ERC2: variants seen among roughly 807,000 people sequenced by gnomAD.
ERC2 encodes the protein ERC protein 2.
A neutral mutation model predicts 114.8 loss-of-function variants in ERC2; 42 were observed. The observed-to-expected ratio is 0.37, with a 90% CI of 0.29 to 0.47. The LOEUF is 0.47. Among genes scored for constraint, ERC2 ranks in the 20% least tolerant of loss-of-function variants. The pLI, the probability that ERC2 is intolerant of heterozygous loss-of-function variation, is 0.99. For synonymous variants in ERC2, 454 were observed against 425.5 expected (o/e 1.07, Z -0.82); for missense variants, 939 against 1,150.7 (o/e 0.82, Z 2.66).
In ERC2 at chr3:55,689,194, G is replaced by A. The variant is rs140409355; in HGVS notation, c.2848-5335C>T. Among the ~76,000 whole-genome samples the A allele has an allele frequency of 2.3e-3, 352 of 152,206 alleles. 2 individuals are homozygous for A. The highest frequency in any genetic ancestry group is 7.9e-3 in the African/African-American group (329 of 41,524). ...ACCACTTTGTCAAGCCATCAAGAAC[G>A]TTATAGAAGTTTGGGTGGCCTTTTC... On this transcript the variant is annotated intron_variant, in intron 16 of 17. Transcript: ENST00000288221.
At chr3:55,911,686 T>G (rs896362978) in intron 13 of ERC2, among the ~76,000 whole-genome samples, 1 of 152,238 alleles carries the variant, frequency 6.6e-6, no homozygotes, top group African/African-American at 2.4e-5. Context: ...CAGGTTCTCA[T>G]ATGTTAGAGG....
chr3:55,920,074 A>G (rs1341710808), intron 13 of ERC2, among the ~76,000 whole-genome samples: 2 of 152,156 alleles, frequency 1.3e-5, no homozygotes, highest in African/African-American at 4.8e-5. Context: ...CATATGTCAA[A>G]TAAGTATAAA....
intron 14 of ERC2, among the ~76,000 whole-genome samples, chr3:55,812,026 C>T (rs946965862): frequency 5.3e-5 from 8 of 152,174 alleles, no homozygotes; most frequent in East Asian, 3.9e-4. Flanking sequence ...CTGCCCACCC[C>T]ACAGGCCCCA....
At chr3:55,851,199 T>G (rs1293794367) in intron 14 of ERC2, among the ~76,000 whole-genome samples, 3 of 151,296 alleles carry the variant, frequency 2.0e-5, no homozygotes, top group Non-Finnish European at 4.4e-5. Context: ...AAGCCCATGC[T>G]GGGAGTTGGT....
chr3:55,700,595 G>GT (rs2063172774), intron 15 of ERC2, among the ~76,000 whole-genome samples: 1 of 152,206 alleles, frequency 6.6e-6, no homozygotes, highest in Non-Finnish European at 1.5e-5. Context: ...GTTGTTTGCT[G>GT]TAAGACATTT....
chr3:55,551,415 C>T (rs1228665962), intron 17 of ERC2, among the ~76,000 whole-genome samples: 3 of 151,956 alleles, frequency 2.0e-5, no homozygotes, highest in Middle Eastern at 3.2e-3. Context: ...CCCAGCTACT[C>T]GGGAGGCTAA....
At chr3:56,163,568 A>T (rs1440896987) in intron 4 of ERC2, among the ~76,000 whole-genome samples, 1 of 152,056 alleles carries the variant, frequency 6.6e-6, no homozygotes, top group African/African-American at 2.4e-5. Flanking sequence ...GGGTACATAC[A>T]TTTTTAGGTT....
At position 56,181,835 on chromosome 3, in the gene ERC2, T is replaced by G. The variant is rs532920003; in HGVS notation, c.1075-8315A>C. Among the ~76,000 whole-genome samples the G allele has an allele frequency of 2.6e-5, 4 of 152,298 alleles. No individual in the cohort carries two copies. In the South Asian group the frequency reaches 8.3e-4, roughly 32 times the overall value. On this transcript the variant is annotated intron_variant, in intron 3 of 17. Transcript: ENST00000288221. ...ATCATGAGGATATCAAGACATCCTA[T>G]GGTGAGGCCTGTGTGACAGGAAACT...
At chr3:56,337,464 A>T (rs6797346) in intron 2 of ERC2, among the ~76,000 whole-genome samples, 2,736 of 152,274 alleles carry the variant, frequency 0.018, 91 homozygotes, top group African/African-American at 0.059. Context: ...CAGGGTCCTC[A>T]TTTGCAAAAT....
chr3:55,761,762 G>A (rs982580044), intron 14 of ERC2, among the ~76,000 whole-genome samples: 1 of 151,472 alleles, frequency 6.6e-6, no homozygotes, highest in African/African-American at 2.4e-5. Flanking sequence ...TGTAGTCCCA[G>A]CTACTCGGGA....
intron 6 of ERC2, among the ~76,000 whole-genome samples, chr3:56,093,739 T>A (rs368985541): frequency 6.6e-6 from 1 of 152,206 alleles, no homozygotes; most frequent in East Asian, 1.9e-4. Flanking sequence ...CTTAATCTTA[T>A]GTTTGTCACT....
At chr3:55,746,201 C>T (rs1350651979) in intron 14 of ERC2, among the ~76,000 whole-genome samples, 1 of 151,858 alleles carries the variant, frequency 6.6e-6, no homozygotes, top group African/African-American at 2.4e-5. Flanking sequence ...TCTGTTAGCG[C>T]AACATTCAAA....
chr3:56,355,706 A>G (rs1227997552), intron 2 of ERC2, among the ~76,000 whole-genome samples: 2 of 152,200 alleles, frequency 1.3e-5, no homozygotes, highest in African/African-American at 4.8e-5. Context: ...ATGTAGGCAA[A>G]TATTGCATTG....
At chr3:55,597,789 C>A (rs968480595) in intron 17 of ERC2, among the ~76,000 whole-genome samples, 1 of 152,224 alleles carries the variant, frequency 6.6e-6, no homozygotes, top group African/African-American at 2.4e-5. Context: ...TGGCACCCTA[C>A]AGTGACCCTA....
intron 2 of ERC2, among the ~76,000 whole-genome samples, chr3:56,382,191 A>G (rs999255165): frequency 6.6e-6 from 1 of 152,058 alleles, no homozygotes; most frequent in African/African-American, 2.4e-5. Flanking sequence ...GGGTGCCCCA[A>G]CACGTGTGCC....
At chr3:55,625,429 TA>T (rs2059481815) in intron 17 of ERC2, among the ~76,000 whole-genome samples, 1 of 140,564 alleles carries the variant, frequency 7.1e-6, no homozygotes, top group Non-Finnish European at 1.6e-5. Context: ...AAAAAAAAAG[TA>T]AGTGCTTTTC....
intron 12 of ERC2, among the ~76,000 whole-genome samples, chr3:55,978,272 C>A (rs536256575): frequency 1.3e-5 from 2 of 152,218 alleles, no homozygotes; most frequent in African/African-American, 4.8e-5. Flanking sequence ...TTATATAGGA[C>A]AAACAAGGAT....
chr3:56,411,313 T>C (rs1452211196), intron 2 of ERC2, among the ~76,000 whole-genome samples: 1 of 151,752 alleles, frequency 6.6e-6, no homozygotes, highest in Non-Finnish European at 1.5e-5. Flanking sequence ...ATGCTCCCTC[T>C]GCCACCTTCC....
chr3:55,748,318 C>G (rs949849944), intron 14 of ERC2, among the ~76,000 whole-genome samples: 1 of 152,192 alleles, frequency 6.6e-6, no homozygotes, highest in Non-Finnish European at 1.5e-5. Flanking sequence ...TGGTCAGAGG[C>G]AGTTCATCAA....
Sources: gnomAD v4.1 joint callset for allele counts (sites outside exome capture counted in the v4.1 genomes callset) on GRCh38, gnomAD v4.1.1 for gene constraint, MANE v1.5 for transcripts, NCBI Gene and HGNC (gene_info 2026-07-23, HGNC 2026-07-21) for gene names.